The following CSMD1 variants were observed in gnomAD, a reference collection of about 807,000 sequenced individuals.
CSMD1 encodes the protein CUB and sushi domain-containing protein 1.
Under a neutral mutation model 417.5 loss-of-function variants are expected in CSMD1, and 213 were observed. The ratio of observed to expected loss-of-function variants is 0.51; its 90% CI spans 0.46 to 0.57. The LOEUF (loss-of-function observed/expected upper bound fraction) is 0.57, where lower values mean the gene tolerates loss of function less well. CSMD1 is among the 20% of genes least tolerant of loss of function. The pLI, the probability that CSMD1 is intolerant of heterozygous loss-of-function variation, is 0.00. For missense variants in CSMD1, 6,923 were observed against 4,529.7 expected, an observed-to-expected ratio of 1.53 and a Z score of -15.17; for synonymous variants, 2,862 against 1,736.8, an observed-to-expected ratio of 1.65 and a Z score of -16.11.
chr8:4,384,621 T>TA (rs987241486), intron 3 of CSMD1, among the ~76,000 whole-genome samples: 7 of 132,872 alleles, frequency 5.3e-5, no homozygotes, highest in African/African-American at 1.8e-4. Context: ...AAATAGAAGA[T>TA]TTTTTTTTGT....
At chr8:3,568,520 T>C (rs565170661) in intron 10 of CSMD1, among the ~76,000 whole-genome samples, 1 of 152,326 alleles carries the variant, frequency 6.6e-6, no homozygotes, top group South Asian at 2.1e-4. Context: ...AACAAAAGTA[T>C]TGCACAAGAA....
chr8:3,914,325 T>C (rs1291153264), intron 5 of CSMD1, among the ~76,000 whole-genome samples: 2 of 151,774 alleles, frequency 1.3e-5, no homozygotes, highest in African/African-American at 4.8e-5. Flanking sequence ...AGGAAGAGAA[T>C]GGGGCCTAGA....
intron 19 of CSMD1, among the ~76,000 whole-genome samples, chr8:3,368,403 C>T (rs1307897344): frequency 6.6e-6 from 1 of 152,158 alleles, no homozygotes; most frequent in East Asian, 1.9e-4. Context: ...GTGGCGCAAT[C>T]TCAGCTCACT....
intron 1 of CSMD1, among the ~76,000 whole-genome samples, chr8:4,716,096 C>T (rs1269169404): frequency 6.6e-6 from 1 of 152,138 alleles, no homozygotes; most frequent in African/African-American, 2.4e-5. Context: ...GGGGCAGGGA[C>T]TCTTAGTCGG....
At chr8:4,763,559 T>C (rs1047541932) in intron 1 of CSMD1, among the ~76,000 whole-genome samples, 1 of 152,168 alleles carries the variant, frequency 6.6e-6, no homozygotes, top group Non-Finnish European at 1.5e-5. Context: ...AAAGAGCAGA[T>C]CTATTGTCTT....
At chr8:3,896,452 G>A (rs968894759) in intron 5 of CSMD1, among the ~76,000 whole-genome samples, 8 of 152,118 alleles carry the variant, frequency 5.3e-5, no homozygotes, top group South Asian at 2.1e-4. Context: ...GAACACTTGG[G>A]AGAGAAAGTA....
intron 12 of CSMD1, among the ~76,000 whole-genome samples, chr8:3,441,401 GTTAAT>G (rs1216625733): frequency 6.6e-6 from 1 of 151,682 alleles, no homozygotes; most frequent in Non-Finnish European, 1.5e-5. Context: ...TCTTTATCCT[GTTAAT>G]TTAATAAATG....
chr8:4,241,111 G>C (rs1389070315), intron 3 of CSMD1, among the ~76,000 whole-genome samples: 1 of 152,020 alleles, frequency 6.6e-6, no homozygotes, highest in East Asian at 1.9e-4. Flanking sequence ...CTCTAAACCT[G>C]TGTTTCAATG....
At chr8:3,995,032 C>T (rs4478596) in intron 5 of CSMD1, among the ~76,000 whole-genome samples, 1 of 152,140 alleles carries the variant, frequency 6.6e-6, no homozygotes, top group Non-Finnish European at 1.5e-5. Context: ...CTCCCCGTCC[C>T]TGTCTATGCA....
chr8:3,895,538 C>A (rs893370110), intron 5 of CSMD1, among the ~76,000 whole-genome samples: 12 of 151,988 alleles, frequency 7.9e-5, no homozygotes, highest in African/African-American at 2.9e-4. Flanking sequence ...TAAATATGAT[C>A]CTAAAAGGAT....
Position 3,439,831 on chromosome 8 carries a change from T to A in CSMD1, c.1561+28881A>T, listed in dbSNP as rs371330801. Among the ~76,000 whole-genome samples the A allele has an allele frequency of 2.0e-5, 3 of 152,198 alleles. No homozygotes were observed. The South Asian group carries it at 6.2e-4, about 31-fold the overall frequency. ...ATTATCCATTTTGAGTAGATTTTTG[T>A]AAAAGATGTGAGATTCACATGGAGG... On this transcript the variant is annotated intron_variant, in intron 12 of 69. Coordinates refer to ENST00000635120, the MANE Select transcript of CSMD1 (RefSeq NM_033225.6).
At chr8:4,222,633 A>G (rs571289545) in intron 3 of CSMD1, among the ~76,000 whole-genome samples, 1 of 152,356 alleles carries the variant, frequency 6.6e-6, no homozygotes, top group South Asian at 2.1e-4. Context: ...ACTGTCATTT[A>G]AATTTCTGAA....
chr8:3,525,053 T>G (rs1797698150), intron 10 of CSMD1, among the ~76,000 whole-genome samples: 1 of 152,270 alleles, frequency 6.6e-6, no homozygotes, highest in African/African-American at 2.4e-5. Flanking sequence ...CAACGCCGAA[T>G]AAACTCTATC....
rs748444661 is a variant in CSMD1, at chr8:2,957,773, C to G, written c.9737G>C (p.Gly3246Ala). Residue 3246 changes from glycine to alanine, a missense_variant, in exon 63 of 70, where the codon GGC becomes GCC. Gly to Ala is a moderately conservative substitution (Grantham distance 60). Coordinates refer to ENST00000635120, the MANE Select transcript of CSMD1 (RefSeq NM_033225.6). ...GSTVFFRCRK[G>A]YHIQGSTTRT... ...AGTCGTGGAACCTTGAATATGGTAG[C>G]CTTTTCTGCACCTGAAAAAAACCGT... 6.3e-7 allele frequency: 1 copy of G among 1,594,344 alleles called. No homozygotes were observed. Among genetic ancestry groups the G allele is most frequent in the Non-Finnish European group, 8.6e-7 (1 of 1,169,252 alleles).
At chr8:4,405,921 C>T (rs1270125028) in intron 3 of CSMD1, among the ~76,000 whole-genome samples, 5 of 152,196 alleles carry the variant, frequency 3.3e-5, no homozygotes, top group South Asian at 2.1e-4. Flanking sequence ...AGGAGCATCT[C>T]GTTTCCTTTA....
chr8:3,634,890 C>T (rs1281120470), intron 7 of CSMD1, among the ~76,000 whole-genome samples: 5 of 152,112 alleles, frequency 3.3e-5, no homozygotes, highest in Non-Finnish European at 7.4e-5. Flanking sequence ...GTAGAGCCTG[C>T]TGGGCTATAG....
At chr8:4,221,026 G>C (rs986951053) in intron 3 of CSMD1, among the ~76,000 whole-genome samples, 3 of 152,160 alleles carry the variant, frequency 2.0e-5, no homozygotes, top group African/African-American at 7.2e-5. Flanking sequence ...GAGGAGGCCA[G>C]TGATTGTCCA....
chr8:2,953,509 T>C (rs931329155), intron 65 of CSMD1, among the ~76,000 whole-genome samples: 50 of 150,200 alleles, frequency 3.3e-4, no homozygotes, highest in African/African-American at 1.1e-3. Flanking sequence ...AGTCAAGTGA[T>C]CTTATATATT....
At chr8:2,959,632 G>A (rs551897402) in intron 62 of CSMD1, among the ~76,000 whole-genome samples, 1 of 152,028 alleles carries the variant, frequency 6.6e-6, no homozygotes, top group Non-Finnish European at 1.5e-5. Flanking sequence ...TACGGGTTTC[G>A]GGGACACGCT....
Sources: allele counts gnomAD v4.1 joint callset (sites outside exome capture counted in the v4.1 genomes callset), GRCh38; gene constraint gnomAD v4.1.1; transcripts MANE v1.5; gene names NCBI Gene and HGNC (gene_info 2026-07-23, HGNC 2026-07-21).